CSMD2: variants seen among roughly 807,000 people sequenced by gnomAD.
CSMD2 encodes the protein CUB and Sushi multiple domains 2, also known as CUB and sushi domain-containing protein 2.
Under a neutral mutation model 398.5 loss-of-function variants are expected in CSMD2, and 130 were observed. That is an observed-to-expected ratio of 0.33 (90% CI 0.28 to 0.38). The LOEUF is 0.38. CSMD2 is among the 10% of genes least tolerant of loss of function. CSMD2 has a pLI of 1.00. For synonymous variants in CSMD2, 1,828 were observed against 1,908.5 expected (o/e 0.96, Z 1.10); for missense variants, 3,829 against 4,764.9 (o/e 0.80, Z 5.78).
At position 33,684,488 on chromosome 1, in the gene CSMD2, C is replaced by G. The variant is rs75077417; in HGVS notation, c.4052+8442G>C. Among the ~76,000 whole-genome samples the G allele has an allele frequency of 1.4e-3, 209 of 152,306 alleles. 3 individuals carry two copies. The East Asian group carries it at 0.033, about 24-fold the overall frequency. The stretch of plus-strand genomic sequence containing the variant: ...CTTCCCCCTCCACGAAGCCAGACAA[C>G]CGTAGCTTCAACCCGAACCACATTT... On this transcript the variant is annotated intron_variant, in intron 25 of 70. Coordinates refer to ENST00000373381, the MANE Select transcript of CSMD2 (RefSeq NM_001281956.2).
At chr1:33,610,959 AC>A (rs1382455125) in intron 41 of CSMD2, 81 bp downstream of exon 41, 1 of 1,363,998 alleles carries the variant, frequency 7.3e-7, no homozygotes, top group Non-Finnish European at 1.0e-6. Context: ...GTTTTCCCCC[AC>A]ATGGAAGGCT....
At chr1:33,744,884 T>TA (rs1375049753) in intron 13 of CSMD2, among the ~76,000 whole-genome samples, 1 of 152,210 alleles carries the variant, frequency 6.6e-6, no homozygotes, top group African/African-American at 2.4e-5. Flanking sequence ...GCAAAACTGA[T>TA]ATGATCCTTT....
intron 5 of CSMD2, among the ~76,000 whole-genome samples, chr1:33,913,572 A>G (rs1414285668): frequency 6.6e-6 from 1 of 152,176 alleles, no homozygotes; most frequent in Non-Finnish European, 1.5e-5. Context: ...GTAGGTTGGT[A>G]TACTGAGACC....
chr1:34,031,765 CAAAAAAAAAAAAAA>C (rs556094322), intron 3 of CSMD2, among the ~76,000 whole-genome samples: 1 of 71,256 alleles, frequency 1.4e-5, no homozygotes, highest in Non-Finnish European at 2.6e-5. Flanking sequence ...AAGGCAAAGG[CAAAAAAAAAAAAAA>C]AAAAAAAAAG....
chr1:33,990,493 C>T (rs1435107497), intron 3 of CSMD2, among the ~76,000 whole-genome samples: 2 of 152,060 alleles, frequency 1.3e-5, no homozygotes, highest in African/African-American at 4.8e-5. Flanking sequence ...TCCCCTCACC[C>T]CACACTTTCT....
chr1:33,809,429 T>A (rs1286497360), intron 10 of CSMD2, among the ~76,000 whole-genome samples: 1 of 152,018 alleles, frequency 6.6e-6, no homozygotes, highest in Non-Finnish European at 1.5e-5. Flanking sequence ...TCAATAGATA[T>A]AGGAAGATGC....
intron 19 of CSMD2, among the ~76,000 whole-genome samples, chr1:33,720,128 CAG>C (rs1646309755): frequency 1.3e-5 from 2 of 152,202 alleles, no homozygotes. Flanking sequence ...CTCTTAGAAA[CAG>C]AGAACGAAGA....
chr1:33,716,117 C>G (rs1158697099), intron 20 of CSMD2, among the ~76,000 whole-genome samples, 169 bp downstream of exon 20: 1 of 152,210 alleles, frequency 6.6e-6, no homozygotes, highest in Non-Finnish European at 1.5e-5. Context: ...TAGGTAAGTT[C>G]TTACTTGGGT....
chr1:33,675,619 T>G (rs1644682274), intron 25 of CSMD2, among the ~76,000 whole-genome samples: 1 of 152,332 alleles, frequency 6.6e-6, no homozygotes, highest in East Asian at 1.9e-4. Context: ...GAGGCCAGCA[T>G]CATTCTGATA....
intron 3 of CSMD2, among the ~76,000 whole-genome samples, chr1:34,002,232 T>C (rs1646926905): frequency 1.3e-5 from 2 of 152,220 alleles, no homozygotes; most frequent in Non-Finnish European, 2.9e-5. Flanking sequence ...GAATGTTGAA[T>C]TGTGAGTAGT....
At chr1:33,710,752 T>C (rs985140868) in intron 21 of CSMD2, among the ~76,000 whole-genome samples, 5 of 48,268 alleles carry the variant, frequency 1.0e-4, no homozygotes, top group South Asian at 1.6e-3. Context: ...ATGGAGAACA[T>C]GGAAACCTTC....
At position 33,580,686 on chromosome 1, in the gene CSMD2, T is replaced by C. The variant is rs929467802; in HGVS notation, c.7387+67A>G. The C allele has an allele frequency of 5.7e-6, 9 of 1,569,216 alleles. No individual in the cohort carries two copies. In the African/African-American group the frequency reaches 9.5e-5, roughly 17 times the overall value. On this transcript the variant is annotated intron_variant, in intron 48 of 70. Coordinates refer to ENST00000373381, the MANE Select transcript of CSMD2 (RefSeq NM_001281956.2). Reference sequence around the variant, plus strand: ...TTAGGAGGGGAATGGCCGCCCGGTCTCCACAGAGGAGCTTGAGGCTTCGAT... The same window carrying C: ...TTAGGAGGGGAATGGCCGCCCGGTCCCCACAGAGGAGCTTGAGGCTTCGAT...
intron 3 of CSMD2, among the ~76,000 whole-genome samples, chr1:33,942,264 G>A (rs180968695): frequency 6.6e-6 from 1 of 152,318 alleles, no homozygotes; most frequent in East Asian, 1.9e-4. Flanking sequence ...GCCTGCAATA[G>A]GCCATTCTTG....
intron 2 of CSMD2, among the ~76,000 whole-genome samples, chr1:34,061,577 T>A (rs1429079410): frequency 6.6e-6 from 1 of 152,148 alleles, no homozygotes; most frequent in Non-Finnish European, 1.5e-5. Flanking sequence ...AGTTACTCAA[T>A]CTCCCTGAGC....
rs989899035 is a variant in CSMD2 at position 33,991,843 on chromosome 1, C to T, written c.517+40751G>A. ...ATATATAATGGACAACACAGTGATA[C>T]CAAGAATATATTAAGTGGTCCAAGT... On this transcript the variant is annotated intron_variant, in intron 3 of 70. Transcript: ENST00000373381. Among the ~76,000 whole-genome samples the T allele has an allele frequency of 6.0e-5, 9 of 150,522 alleles. No individual in the cohort carries two copies. The South Asian group carries it at 1.5e-3, about 25-fold the overall frequency.
intron 14 of CSMD2, among the ~76,000 whole-genome samples, chr1:33,743,061 C>G (rs1647135832): frequency 6.6e-6 from 1 of 152,198 alleles, no homozygotes; most frequent in Non-Finnish European, 1.5e-5. Context: ...AAATGCCCTT[C>G]AGAGAGGGAC....
intron 1 of CSMD2, among the ~76,000 whole-genome samples, chr1:34,106,036 C>T (rs1037791282): frequency 6.6e-6 from 1 of 152,066 alleles, no homozygotes; most frequent in Non-Finnish European, 1.5e-5. Flanking sequence ...TTTCAGTCAG[C>T]AAATCTGGGG....
At chr1:33,631,264 G>C (rs1642451266) in intron 32 of CSMD2, among the ~76,000 whole-genome samples, 1 of 151,806 alleles carries the variant, frequency 6.6e-6, no homozygotes, top group African/African-American at 2.4e-5. Flanking sequence ...TATACATTGT[G>C]GTACTAAATG....
chr1:33,688,961 T>C (rs1461646336), intron 25 of CSMD2, among the ~76,000 whole-genome samples: 2 of 152,056 alleles, frequency 1.3e-5, no homozygotes, highest in South Asian at 2.1e-4. Context: ...TTATCCTAAC[T>C]TTGCTGCTGG....
Sources: allele counts gnomAD v4.1 joint callset (sites outside exome capture counted in the v4.1 genomes callset), GRCh38; gene constraint gnomAD v4.1.1; transcripts MANE v1.5; gene names NCBI Gene and HGNC (gene_info 2026-07-23, HGNC 2026-07-21).